Variants in SNRPD2 observed in about 807,000 individuals in gnomAD.
SNRPD2 encodes small nuclear ribonucleoprotein Sm D2.
In SNRPD2, 1 loss-of-function variant was observed where a neutral mutation model predicts 11.5. The observed-to-expected ratio is 0.09, with a 90% CI of 0.03 to 0.41. SNRPD2 has a LOEUF of 0.41. Ranked by LOEUF, SNRPD2 falls within the 10% of genes least tolerant of loss-of-function variation. The pLI is 0.98. For synonymous variants in SNRPD2, 63 were observed against 61.5 expected, an observed-to-expected ratio of 1.02 and a Z score of -0.12; for missense variants, 77 against 154.9, an observed-to-expected ratio of 0.50 and a Z score of 2.67.
rs1482563952 is a variant in SNRPD2, at chr19:45,688,612, G to A, written c.3-46C>T. 2.7e-6 allele frequency: 4 copies of A among 1,507,670 alleles called. No individual in the cohort carries two copies. In the South Asian group the frequency reaches 4.5e-5, roughly 17 times the overall value. The allele number at this position is 1,507,670 out of a possible 1,614,324, so 93.4% of individuals were successfully genotyped here. On this transcript the variant is annotated intron_variant, in intron 1 of 2. Transcript: ENST00000342669. The surrounding 1 kb of genome is among the most constrained non-coding windows in gnomAD (Gnocchi z 4.1). ...CCAATAAGTGAGAGAGGCTGGAGTT[G>A]AGAGGCTGGAGCTGTGAGGATGGGT...
At chr19:45,692,027 C>T, upstream of SNRPD2, 1 of 1,598,762 alleles carries the variant, frequency 6.3e-7, no homozygotes, top group Non-Finnish European at 8.5e-7. Context: ...GAGGCGTGGC[C>T]TGTTGCCACA....
intron 1 of SNRPD2, among the ~76,000 whole-genome samples, chr19:45,689,584 G>A (rs1007063024): frequency 1.3e-4 from 20 of 152,152 alleles, no homozygotes; most frequent in African/African-American, 4.6e-4. Context: ...GGTGGTGCAC[G>A]CCTGTAATCT....
rs756391965 is a variant in SNRPD2, at chr19:45,687,745, G to C, written c.183-18C>G. 2 of 1,609,870 alleles carry C rather than the reference G, an allele frequency of 1.2e-6. No homozygotes were observed. Among genetic ancestry groups the C allele is most frequent in the African/African-American group, 2.7e-5 (2 of 74,834 alleles). On this transcript the variant is annotated intron_variant, in intron 2 of 2. Transcript: ENST00000342669. The surrounding 1 kb of genome is among the most constrained non-coding windows in gnomAD (Gnocchi z 4.1). ...TGCAGTGCCTGGTGGGGAACAGGGAGGGGAGGCACTGGGCGTGAGGGGCGT... is the reference window on the plus strand; with the variant it reads ...TGCAGTGCCTGGTGGGGAACAGGGACGGGAGGCACTGGGCGTGAGGGGCGT...
rs545500732 is a variant in SNRPD2, at chr19:45,689,805, G to A, written c.3-1239C>T. Reference sequence around the variant, plus strand: ...TCCCAGCACTTTGGGAGGCCGACGCGAGGTGGATCGCCTGAGCTCAGGAGT... The same window carrying A: ...TCCCAGCACTTTGGGAGGCCGACGCAAGGTGGATCGCCTGAGCTCAGGAGT... On this transcript the variant is annotated intron_variant, in intron 1 of 2. Coordinates refer to ENST00000342669, the MANE Select transcript of SNRPD2 (RefSeq NM_001384647.1). 5.3e-5 allele frequency among the ~76,000 whole-genome samples: 8 copies of A among 151,758 alleles called. No homozygotes were observed. In the East Asian group the frequency reaches 1.2e-3, roughly 22 times the overall value.
At position 45,691,906 on chromosome 19, in the gene SNRPD2, C is replaced by T. The variant is rs759465425; in HGVS notation, c.-18G>A. 1 of 1,614,074 alleles carries T rather than the reference C, an allele frequency of 6.2e-7. No individual in the cohort carries two copies. The highest frequency in any genetic ancestry group is 1.3e-5 in the African/African-American group (1 of 74,938). ...CCTCACATGATGGTCACTACGCTCT[C>T]CGTTCACTCCCGTTTCCTCCGCGTT... On this transcript the variant is annotated 5_prime_UTR_variant, in exon 1 of 3. Transcript: ENST00000342669.
chr19:45,691,861 G>C (rs1967568572), intron 1 of SNRPD2, 26 bp downstream of exon 1: 1 of 1,612,700 alleles, frequency 6.2e-7, no homozygotes, highest in African/African-American at 1.3e-5. Flanking sequence ...CCTCATTCCC[G>C]CCGCCTAAGC....
chr19:45,688,274 C>T lies in SNRPD2; in HGVS notation c.182+113G>A, dbSNP rs1177227928. 12 of 884,714 alleles carry T rather than the reference C, an allele frequency of 1.4e-5. No homozygotes were observed. The highest frequency in any genetic ancestry group is 1.6e-5 in the South Asian group (1 of 60,946). 54.8% of individuals were successfully genotyped at this position (884,714 alleles called of 1,614,324 possible). A position where few individuals can be genotyped will look rare whatever the true frequency, so the allele number is the denominator to read the frequency against. On this transcript the variant is annotated intron_variant, in intron 2 of 2. Transcript: ENST00000342669. This position sits in a 1 kb window ranked among gnomAD's most constrained non-coding sequence, Gnocchi z 4.1. ...CTGGGATTACAGGCATGAGCCACCA[C>T]GCCTGGCCATACACCCCAGGCTTCT...
rs1329532569 is a variant in SNRPD2, at chr19:45,687,560, C to T, written c.350G>A (p.Gly117Asp). Residue 117 changes from glycine to aspartate, a missense_variant, in exon 3 of 3, where the codon GGC (glycine) becomes GAC (aspartate). Physicochemically the swap from Gly to Asp is moderately conservative, Grantham distance 94. Coordinates refer to ENST00000342669, the MANE Select transcript of SNRPD2 (RefSeq NM_001384647.1). This position sits in a 1 kb window ranked among gnomAD's most constrained non-coding sequence, Gnocchi z 4.1. ...IVVLRNPLIA[G>D]K ...TCAACAGACAGGCGGCCCCTACTTG[C>T]CGGCGATGAGCGGGTTCCGCAGGAC... 1.2e-6 allele frequency: 2 copies of T among 1,613,870 alleles called. No individual in the cohort carries two copies.
At chr19:45,689,144 G>T (rs1967478372) in intron 1 of SNRPD2, 3 of 514,956 alleles carry the variant, frequency 5.8e-6, no homozygotes, top group Admixed American at 4.0e-5. Flanking sequence ...CATCCTTCTA[G>T]TTCTCTGGGC....
At chr19:45,691,647 AGGAATGAGC>A (rs1967557469) in intron 1 of SNRPD2, 1 of 581,972 alleles carries the variant, frequency 1.7e-6, no homozygotes, top group Admixed American at 2.8e-5. Context: ...CTGGGATCAC[AGGAATGAGC>A]CCCCGCGCCC....
chr19:45,691,997 G>T, upstream of SNRPD2: 1 of 1,610,478 alleles, frequency 6.2e-7, no homozygotes. Context: ...TGGCGCCTGC[G>T]CAAAGCCAAC....
chr19:45,689,946 A>G (rs1391988302), intron 1 of SNRPD2, among the ~76,000 whole-genome samples: 1 of 151,982 alleles, frequency 6.6e-6, no homozygotes, highest in African/African-American at 2.4e-5. Flanking sequence ...CTGAGGCAGC[A>G]GAAACGCTTG....
rs1035517798 is a variant in SNRPD2 at position 45,689,983 on chromosome 19, G to A, written c.3-1417C>T. Among the ~76,000 whole-genome samples the A allele has an allele frequency of 3.0e-4, 45 of 149,888 alleles. 1 individual carries two copies. The highest frequency in any genetic ancestry group is 2.8e-3 in the Admixed American group (42 of 14,954). Reference sequence around the variant, plus strand: ...GCCCCAGCAGCGAAGGTTGCAGTGAGCCAAGATTGCGCCACTGCACTCCAG... The same window carrying A: ...GCCCCAGCAGCGAAGGTTGCAGTGAACCAAGATTGCGCCACTGCACTCCAG... On this transcript the variant is annotated intron_variant, in intron 1 of 2. Coordinates refer to ENST00000342669, the MANE Select transcript of SNRPD2 (RefSeq NM_001384647.1).
intron 1 of SNRPD2, chr19:45,689,126 G>A (rs191280579): frequency 3.2e-5 from 16 of 499,764 alleles, no homozygotes; most frequent in Non-Finnish European, 5.6e-5. Flanking sequence ...CTGCTTTGAT[G>A]GTAACTCCAT....
At chr19:45,692,011 T>C (rs1967575070), upstream of SNRPD2, 2 of 1,608,078 alleles carry the variant, frequency 1.2e-6, no homozygotes, top group Admixed American at 1.7e-5. Context: ...AGCCAACCAG[T>C]AAGTGGAGGC....
intron 1 of SNRPD2, chr19:45,689,343 A>G (rs1484756060): frequency 5.8e-6 from 3 of 513,790 alleles, no homozygotes; most frequent in South Asian, 1.4e-5. Context: ...GGGTTGTGCT[A>G]AAACCTAAAT....
intron 1 of SNRPD2, chr19:45,689,310 G>A: frequency 1.9e-6 from 1 of 519,854 alleles, no homozygotes; most frequent in Non-Finnish European, 3.8e-6. Context: ...CTGACAGTCT[G>A]TTCTCCACAG....
In SNRPD2 at chr19:45,691,901, G is replaced by T. The variant is rs375261122; in HGVS notation, c.-13C>A. 5.0e-6 allele frequency: 8 copies of T among 1,613,842 alleles called. No individual in the cohort carries two copies. In the African/African-American group the frequency reaches 9.3e-5, roughly 19 times the overall value. On this transcript the variant is annotated 5_prime_UTR_variant, in exon 1 of 3. Transcript: ENST00000342669. ...CCCGGCCTCACATGATGGTCACTAC[G>T]CTCTCCGTTCACTCCCGTTTCCTCC...
intron 1 of SNRPD2, among the ~76,000 whole-genome samples, chr19:45,691,199 C>G (rs1476591025): frequency 1.3e-5 from 2 of 152,136 alleles, no homozygotes; most frequent in African/African-American, 2.4e-5. Context: ...GGCGCAATCT[C>G]GGCTCACTGC....
Sources: allele counts gnomAD v4.1 joint callset (sites outside exome capture counted in the v4.1 genomes callset), GRCh38; gene constraint gnomAD v4.1.1; non-coding constraint Gnocchi (gnomAD v3.1); transcripts MANE v1.5; gene names NCBI Gene and HGNC (gene_info 2026-07-23, HGNC 2026-07-21).